Variants in GRIN2B observed in about 807,000 individuals in gnomAD.
GRIN2B encodes glutamate ionotropic receptor NMDA type subunit 2B, also known as glutamate receptor ionotropic, NMDA 2B.
Under a neutral mutation model 114.5 loss-of-function variants are expected in GRIN2B, and 5 were observed. That is an observed-to-expected ratio of 0.04 (90% CI 0.02 to 0.09). GRIN2B has a LOEUF of 0.09. GRIN2B is among the 10% of genes least tolerant of loss of function. The pLI, the probability that GRIN2B is intolerant of heterozygous loss-of-function variation, is 1.00. For missense variants in GRIN2B, 1,108 were observed against 1,943.5 expected (o/e 0.57, Z 8.08); for synonymous variants, 787 against 745.1 (o/e 1.06, Z -0.92).
At chr12:13,864,114 T>C (rs1011571262) in intron 3 of GRIN2B, among the ~76,000 whole-genome samples, 4 of 152,242 alleles carry the variant, frequency 2.6e-5, no homozygotes, top group Non-Finnish European at 5.9e-5. Context: ...TTTGTGCTAG[T>C]GCCTATTTTC....
chr12:13,780,778 GA>G (rs1261439196), intron 3 of GRIN2B, among the ~76,000 whole-genome samples: 2 of 121,162 alleles, frequency 1.7e-5, no homozygotes, highest in Non-Finnish European at 1.7e-5. Flanking sequence ...TACTTGTGGA[GA>G]AAAAAATGGA....
At position 13,542,954 on chromosome 12, in the gene GRIN2B, CCTT is replaced by C. The variant is rs1948298152; in HGVS notation, c.*19826_*19828del. 2.0e-5 allele frequency: 3 copies of C among 150,790 alleles called. No individual in the cohort carries two copies. The East Asian group carries it at 6.1e-4, about 31-fold the overall frequency. 9.3% of individuals were successfully genotyped at this position (150,790 alleles called of 1,614,324 possible). A position where few individuals can be genotyped will look rare whatever the true frequency, so the allele number is the denominator to read the frequency against. On this transcript the variant is annotated 3_prime_UTR_variant, in exon 14 of 14. Transcript: ENST00000609686. ...ATTGCCATTCCAGACCATCCTCCCT[CCTT>C]TTTAAAAAAAAATAACATGCAACAA...
intron 4 of GRIN2B, among the ~76,000 whole-genome samples, chr12:13,701,132 AACTC>A (rs1219544474): frequency 2.0e-5 from 3 of 152,106 alleles, no homozygotes; most frequent in Non-Finnish European, 4.4e-5. Context: ...ATCTCAAGAG[AACTC>A]ACTCACTATC....
rs201520798 is a variant in GRIN2B, at chr12:13,608,835, G to A, written c.1781-3C>T. ...GGTGAAAGAGGGTCCACCAGGCTCT[G>A]GCATGACAAAAAGACAAGGACGAAA... On this transcript the variant is annotated splice_region_variant and splice_polypyrimidine_tract_variant and intron_variant, in intron 9 of 13. Coordinates refer to ENST00000609686, the MANE Select transcript of GRIN2B (RefSeq NM_000834.5). The A allele has an allele frequency of 1.5e-5, 24 of 1,609,610 alleles. No individual in the cohort carries two copies. In the African/African-American group the frequency reaches 2.8e-4, roughly 19 times the overall value.
chr12:13,816,545 A>G (rs1591748422), intron 3 of GRIN2B, among the ~76,000 whole-genome samples: 3 of 152,288 alleles, frequency 2.0e-5, no homozygotes. Flanking sequence ...AGAAGCATGG[A>G]AATTCCACTC....
At chr12:13,932,986 T>TGTGTGTGTGTGTGTGCGC (rs61241187) in intron 2 of GRIN2B, among the ~76,000 whole-genome samples, 10 of 148,298 alleles carry the variant, frequency 6.7e-5, no homozygotes, top group Non-Finnish European at 3.0e-5. Flanking sequence ...TGTGTGTGTG[T>TGTGTGTGTGTGTGTGCGC]GCGTGTGCGT....
chr12:13,593,591 C>T (rs1189732442), intron 10 of GRIN2B, among the ~76,000 whole-genome samples: 1 of 152,156 alleles, frequency 6.6e-6, no homozygotes, highest in Non-Finnish European at 1.5e-5. Flanking sequence ...ACCATAAAAA[C>T]CCTAGAAGAA....
chr12:13,567,281 A>G lies in GRIN2B; in HGVS notation c.2360-18T>C. On this transcript the variant is annotated intron_variant, in intron 12 of 13. Transcript: ENST00000609686. ...CATCTCCCCTGGGGAAAGGACAGAG[A>G]AGGAAAATGGATAAAAAGAGGAGAC... is the stretch of plus-strand genomic sequence containing the variant. 1.9e-6 allele frequency: 3 copies of G among 1,562,458 alleles called. No homozygotes were observed. Among genetic ancestry groups the G allele is most frequent in the Non-Finnish European group, 2.6e-6 (3 of 1,132,994 alleles).
At chr12:13,975,043 AG>A (rs2136876391) in intron 2 of GRIN2B, among the ~76,000 whole-genome samples, 1 of 152,298 alleles carries the variant, frequency 6.6e-6, no homozygotes, top group East Asian at 1.9e-4. Context: ...AAAGAGTGAA[AG>A]AAGAGAGGAG....
chr12:13,684,904 C>G (rs1038205021), intron 4 of GRIN2B, among the ~76,000 whole-genome samples: 1 of 152,090 alleles, frequency 6.6e-6, no homozygotes, highest in African/African-American at 2.4e-5. Context: ...TTTCTGACAT[C>G]CATTTTAGCT....
chr12:13,569,346 A>G (rs778367988), intron 12 of GRIN2B, among the ~76,000 whole-genome samples: 5 of 152,236 alleles, frequency 3.3e-5, no homozygotes, highest in Non-Finnish European at 7.3e-5. Context: ...GAGTATGGTG[A>G]ACCCCTAATC....
chr12:13,697,332 T>C (rs1402521027), intron 4 of GRIN2B, among the ~76,000 whole-genome samples: 5 of 152,186 alleles, frequency 3.3e-5, no homozygotes, highest in African/African-American at 4.8e-5. Flanking sequence ...GAACAGTCTA[T>C]TGAGTCTATC....
chr12:13,686,753 GC>G (rs1950176918), intron 4 of GRIN2B, among the ~76,000 whole-genome samples: 1 of 152,018 alleles, frequency 6.6e-6, no homozygotes, highest in Non-Finnish European at 1.5e-5. Context: ...AACTATCACA[GC>G]TGCAAAATCA....
At chr12:13,773,809 A>G (rs1479583936) in intron 3 of GRIN2B, among the ~76,000 whole-genome samples, 1 of 152,210 alleles carries the variant, frequency 6.6e-6, no homozygotes, top group Non-Finnish European at 1.5e-5. Context: ...CCAGCTTTAC[A>G]TAAGAGACTA....
chr12:13,674,779 T>C (rs1950056058), intron 5 of GRIN2B, among the ~76,000 whole-genome samples: 1 of 152,152 alleles, frequency 6.6e-6, no homozygotes, highest in Non-Finnish European at 1.5e-5. Context: ...GGTCTCAAGG[T>C]AGAATAATTT....
chr12:13,784,322 G>A (rs188220380), intron 3 of GRIN2B, among the ~76,000 whole-genome samples: 127 of 150,354 alleles, frequency 8.4e-4, no homozygotes, highest in African/African-American at 2.2e-3. Context: ...GAAGCTTCCT[G>A]AAGTCAGGAA....
At chr12:13,698,564 T>C (rs993745849) in intron 4 of GRIN2B, among the ~76,000 whole-genome samples, 1 of 152,220 alleles carries the variant, frequency 6.6e-6, no homozygotes, top group African/African-American at 2.4e-5. Context: ...TATATAATTG[T>C]TTCAAATATT....
chr12:13,636,238 A>G (rs1342097846), intron 5 of GRIN2B, among the ~76,000 whole-genome samples: 1 of 152,186 alleles, frequency 6.6e-6, no homozygotes, highest in Non-Finnish European at 1.5e-5. Context: ...AAGGAATAGC[A>G]AGTTGGCTAG....
chr12:13,814,508 G>T (rs532230088), intron 3 of GRIN2B, among the ~76,000 whole-genome samples: 1 of 152,324 alleles, frequency 6.6e-6, no homozygotes, highest in South Asian at 2.1e-4. Flanking sequence ...GAAAACCAGT[G>T]AATTTCAGTG....
Sources: gnomAD v4.1 joint callset for allele counts (sites outside exome capture counted in the v4.1 genomes callset) on GRCh38, gnomAD v4.1.1 for gene constraint, MANE v1.5 for transcripts, NCBI Gene and HGNC (gene_info 2026-07-23, HGNC 2026-07-21) for gene names.